Variants in MAGI2 observed in about 807,000 individuals in gnomAD.
MAGI2 encodes the protein membrane associated guanylate kinase, WW and PDZ domain containing 2, also known as membrane-associated guanylate kinase, WW and PDZ domain-containing protein 2.
MAGI2 carries 35 observed loss-of-function variants against 133.3 expected under a neutral mutation model. The ratio of observed to expected loss-of-function variants is 0.26; its 90% CI spans 0.20 to 0.35. The LOEUF (loss-of-function observed/expected upper bound fraction) is 0.35, where lower values mean the gene tolerates loss of function less well. Among genes scored for constraint, MAGI2 ranks in the 10% least tolerant of loss-of-function variants. MAGI2 has a pLI of 1.00. For missense variants in MAGI2, 1,636 were observed against 1,863.4 expected (o/e 0.88, Z 2.25); for synonymous variants, 729 against 710.6 (o/e 1.03, Z -0.41).
At chr7:78,808,684 G>A (rs1313226963) in intron 2 of MAGI2, among the ~76,000 whole-genome samples, 1 of 152,294 alleles carries the variant, frequency 6.6e-6, no homozygotes, top group Non-Finnish European at 1.5e-5. Flanking sequence ...CTGAGGAAAC[G>A]CACTTCACGG....
intron 1 of MAGI2, among the ~76,000 whole-genome samples, chr7:79,087,705 T>C (rs1816654465): frequency 6.6e-6 from 1 of 152,124 alleles, no homozygotes; most frequent in Admixed American, 6.6e-5. Context: ...GTTTCAGTTT[T>C]CTGCAAACAG....
chr7:79,241,868 C>T (rs116318847), intron 1 of MAGI2, among the ~76,000 whole-genome samples: 16 of 152,246 alleles, frequency 1.1e-4, no homozygotes, highest in Non-Finnish European at 1.9e-4. Flanking sequence ...TGATTCAGCC[C>T]ATCCTGTGGT....
At chr7:78,148,325 G>C (rs936172605) in intron 16 of MAGI2, among the ~76,000 whole-genome samples, 6 of 152,130 alleles carry the variant, frequency 3.9e-5, no homozygotes, top group African/African-American at 1.4e-4. Context: ...ATTTATATAG[G>C]AGAGGCAAAA....
chr7:78,426,736 C>A (rs1476136656), intron 6 of MAGI2, among the ~76,000 whole-genome samples: 1 of 151,996 alleles, frequency 6.6e-6, no homozygotes. Context: ...CCTAAACAAT[C>A]CAAATTTGGT....
intron 2 of MAGI2, among the ~76,000 whole-genome samples, chr7:78,678,112 T>C (rs1176491924): frequency 1.3e-5 from 2 of 152,140 alleles, no homozygotes; most frequent in African/African-American, 2.4e-5. Flanking sequence ...ATTGGGTAGC[T>C]GGACTAAGAA....
intron 2 of MAGI2, among the ~76,000 whole-genome samples, chr7:78,646,398 A>G (rs1213241303): frequency 6.6e-6 from 1 of 152,170 alleles, no homozygotes. Flanking sequence ...GCAAGAAAAA[A>G]TTGTATTTAG....
chr7:78,975,469 TG>T (rs1327539988), intron 2 of MAGI2, among the ~76,000 whole-genome samples: 1 of 151,664 alleles, frequency 6.6e-6, no homozygotes, highest in African/African-American at 2.4e-5. Context: ...TAAAATACTT[TG>T]AACTAAATGG....
chr7:79,036,013 C>T (rs949389357), intron 1 of MAGI2, among the ~76,000 whole-genome samples: 1 of 152,100 alleles, frequency 6.6e-6, no homozygotes, highest in Admixed American at 6.5e-5. Context: ...TACAGATATG[C>T]GCAAAGCACT....
chr7:78,358,214 T>A (rs867971580), intron 7 of MAGI2: 7 of 104,076 alleles, frequency 6.7e-5, no homozygotes, highest in Admixed American at 5.1e-4. Flanking sequence ...TATATATATA[T>A]ATATATATAT....
intron 12 of MAGI2, among the ~76,000 whole-genome samples, 175 bp downstream of exon 12, chr7:78,194,699 C>G (rs976314944): frequency 2.0e-5 from 3 of 152,090 alleles, no homozygotes; most frequent in Admixed American, 1.3e-4. Flanking sequence ...TATAATAAAC[C>G]GACTTTTAGA....
chr7:78,063,397 A>C (rs930502040), intron 21 of MAGI2, among the ~76,000 whole-genome samples: 8 of 152,094 alleles, frequency 5.3e-5, no homozygotes, highest in Non-Finnish European at 2.9e-5. Flanking sequence ...ATGTGCTTGC[A>C]CACCTGGCTA....
intron 3 of MAGI2, among the ~76,000 whole-genome samples, chr7:78,578,191 T>G (rs2150799333): frequency 6.6e-6 from 1 of 152,192 alleles, no homozygotes. Context: ...CTGGTTGTAT[T>G]TAAGAATAAA....
rs534461671 is a variant in MAGI2 at position 78,534,560 on chromosome 7, C to T, written c.539-12915G>A. 1.7e-3 allele frequency among the ~76,000 whole-genome samples: 256 copies of T among 152,350 alleles called. 2 individuals carry two copies. Among genetic ancestry groups the T allele is most frequent in the African/African-American group, 5.9e-3 (244 of 41,592 alleles). On this transcript the variant is annotated intron_variant, in intron 3 of 21. Transcript: ENST00000354212. ...TTTCTGCTGATTAGCCAGATAAGCT[C>T]TTCTTTTCTCAGTTTAACCCAAGAC...
intron 20 of MAGI2, among the ~76,000 whole-genome samples, chr7:78,110,658 A>C (rs962669358): frequency 6.6e-6 from 1 of 152,210 alleles, no homozygotes; most frequent in Non-Finnish European, 1.5e-5. Context: ...TATTTATTAA[A>C]AAAGAAATAT....
At chr7:79,016,649 G>A (rs200870742) in intron 1 of MAGI2, among the ~76,000 whole-genome samples, 1 of 152,024 alleles carries the variant, frequency 6.6e-6, no homozygotes, top group East Asian at 1.9e-4. Context: ...TGCCAGATGC[G>A]TGTGCACCAT....
intron 1 of MAGI2, among the ~76,000 whole-genome samples, chr7:79,288,037 C>T (rs1306116391): frequency 6.6e-6 from 1 of 152,062 alleles, no homozygotes; most frequent in Admixed American, 6.6e-5. Flanking sequence ...GTCTATCTCA[C>T]CTATATTTAT....
At chr7:79,110,038 C>T (rs1247130637) in intron 1 of MAGI2, among the ~76,000 whole-genome samples, 5 of 152,164 alleles carry the variant, frequency 3.3e-5, no homozygotes, top group African/African-American at 1.2e-4. Context: ...ACAGCTTAGG[C>T]CGCTGCTTCA....
At chr7:78,753,126 A>G (rs73135509) in intron 2 of MAGI2, among the ~76,000 whole-genome samples, 6,720 of 152,328 alleles carry the variant, frequency 0.044, 218 homozygotes, top group Non-Finnish European at 0.067. Flanking sequence ...CTCATACTCA[A>G]GAATAAAAGA....
intron 1 of MAGI2, among the ~76,000 whole-genome samples, chr7:79,276,194 C>G (rs1013710864): frequency 1.3e-5 from 2 of 152,166 alleles, no homozygotes; most frequent in South Asian, 2.1e-4. Context: ...CCATTAAGAA[C>G]ATTTGTGACT....
Sources: gnomAD v4.1 joint callset for allele counts (sites outside exome capture counted in the v4.1 genomes callset) on GRCh38, gnomAD v4.1.1 for gene constraint, MANE v1.5 for transcripts, NCBI Gene and HGNC (gene_info 2026-07-23, HGNC 2026-07-21) for gene names.